Variants in PGM1 observed in about 807,000 individuals in gnomAD.
The protein encoded by PGM1 is phosphoglucomutase 1.
PGM1 carries 52 observed loss-of-function variants against 55.6 expected under a neutral mutation model. The observed-to-expected ratio is 0.94, with a 90% CI of 0.75 to 1.18. PGM1 has a LOEUF of 1.18. PGM1 is among the 50% of genes most tolerant of loss of function. The pLI, the probability that PGM1 is intolerant of heterozygous loss-of-function variation, is 0.00. For synonymous variants in PGM1, 287 were observed against 271.7 expected (o/e 1.06, Z -0.55); for missense variants, 724 against 729.3 (o/e 0.99, Z 0.08).
rs61765314 is a variant in PGM1 at position 63,659,712 on chromosome 1, G to A, written c.*37G>A. 0.031 allele frequency: 45,714 copies of A among 1,456,754 alleles called. 892 individuals carry two copies. The highest frequency in any genetic ancestry group is 0.036 in the Non-Finnish European group (37,101 of 1,036,492). The allele number at this position is 1,456,754 out of a possible 1,614,324, so 90.2% of individuals were successfully genotyped here. ...TGATGTGGTACGTCCCTCCACCCCC[G>A]GACCCATCCAAGTCATCTGATTGAA... On this transcript the variant is annotated 3_prime_UTR_variant, in exon 11 of 11. Coordinates refer to ENST00000371084, the MANE Select transcript of PGM1 (RefSeq NM_002633.3).
chr1:63,638,683 AG>A lies in PGM1; in HGVS notation c.1030del. The A allele has an allele frequency of 6.2e-7, 1 of 1,606,228 alleles. No individual in the cohort carries two copies. Among genetic ancestry groups the A allele is most frequent in the Non-Finnish European group, 8.5e-7 (1 of 1,172,794 alleles). On this transcript the variant is annotated splice_acceptor_variant, in intron 6 of 10. Transcript: ENST00000371084. LOFTEE classifies it high-confidence loss of function. ...TGTAACTTTGATTTCATGCCTTTGA[AG>A]GGTGGCTAGTGCTACAAAGATTGCT...
At chr1:63,648,376 C>T in intron 7 of PGM1, 141 bp from the exon 8 acceptor site, 1 of 865,612 alleles carries the variant, frequency 1.2e-6, no homozygotes, top group South Asian at 1.4e-5. Flanking sequence ...AACTTTGTCC[C>T]CCATGATCCA....
chr1:63,633,902 G>C (rs55887917), intron 4 of PGM1, among the ~76,000 whole-genome samples: 1 of 39,006 alleles, frequency 2.6e-5, no homozygotes, highest in Non-Finnish European at 4.5e-5. Flanking sequence ...GTGTGTGTGT[G>C]TGTGTGTGTG....
intron 1 of PGM1, among the ~76,000 whole-genome samples, chr1:63,597,987 T>G (rs1648130412): frequency 6.6e-6 from 1 of 152,142 alleles, no homozygotes; most frequent in Admixed American, 6.6e-5. Flanking sequence ...TTTAAAAATT[T>G]GAGACATGGT....
At chr1:63,606,401 G>A (rs1473728961) in intron 1 of PGM1, among the ~76,000 whole-genome samples, 2 of 152,310 alleles carry the variant, frequency 1.3e-5, no homozygotes, top group Admixed American at 1.3e-4. Flanking sequence ...GGTGTGGGCA[G>A]TCCAGGGCTG....
chr1:63,635,814 C>T (rs1649346560), intron 5 of PGM1, among the ~76,000 whole-genome samples: 1 of 152,194 alleles, frequency 6.6e-6, no homozygotes, highest in Non-Finnish European at 1.5e-5. Flanking sequence ...CTGTGGTACA[C>T]AGACTGTGGT....
At chr1:63,600,552 G>A (rs992686524) in intron 1 of PGM1, among the ~76,000 whole-genome samples, 4 of 152,140 alleles carry the variant, frequency 2.6e-5, no homozygotes, top group African/African-American at 7.2e-5. Context: ...GATGATAAAC[G>A]TGTCAAATGA....
intron 7 of PGM1, among the ~76,000 whole-genome samples, chr1:63,648,277 A>T (rs1649706391): frequency 6.6e-6 from 1 of 152,158 alleles, no homozygotes; most frequent in South Asian, 2.1e-4. Context: ...TGGCTGCAGG[A>T]GAGAGAGAGT....
chr1:63,604,874 T>A (rs919377848), intron 1 of PGM1, among the ~76,000 whole-genome samples: 11 of 151,496 alleles, frequency 7.3e-5, no homozygotes, highest in African/African-American at 2.7e-4. Flanking sequence ...CCCCACTACA[T>A]AACTATGTAT....
At chr1:63,595,498 A>G (rs1648035759) in intron 1 of PGM1, among the ~76,000 whole-genome samples, 2 of 152,238 alleles carry the variant, frequency 1.3e-5, no homozygotes, top group Non-Finnish European at 2.9e-5. Context: ...ATTTATAAGC[A>G]TCAGTGAGAG....
At chr1:63,629,042 T>TG (rs1649115319) in intron 1 of PGM1, among the ~76,000 whole-genome samples, 1 of 152,240 alleles carries the variant, frequency 6.6e-6, no homozygotes, top group African/African-American at 2.4e-5. Context: ...CGTTGTGGAT[T>TG]GAAAGTATGA....
intron 1 of PGM1, among the ~76,000 whole-genome samples, chr1:63,612,130 G>A (rs1166285580): frequency 2.6e-5 from 4 of 151,842 alleles, no homozygotes; most frequent in South Asian, 4.2e-4. Context: ...GGTGGCGCGT[G>A]CCTGTAATCC....
At chr1:63,646,548 G>A (rs953721388) in intron 7 of PGM1, among the ~76,000 whole-genome samples, 18 of 152,112 alleles carry the variant, frequency 1.2e-4, no homozygotes, top group African/African-American at 4.3e-4. Flanking sequence ...TCTTGGAGTT[G>A]CTGGATCCAT....
At chr1:63,604,747 G>C (rs1648363547) in intron 1 of PGM1, among the ~76,000 whole-genome samples, 1 of 152,204 alleles carries the variant, frequency 6.6e-6, no homozygotes, top group Admixed American at 6.5e-5. Context: ...CTTTCCAGTG[G>C]AGGCACCCCA....
At chr1:63,598,773 C>T (rs889899729) in intron 1 of PGM1, among the ~76,000 whole-genome samples, 1 of 152,308 alleles carries the variant, frequency 6.6e-6, no homozygotes, top group East Asian at 1.9e-4. Flanking sequence ...AAGAACCCCA[C>T]ACTAAACAAT....
chr1:63,652,207 G>C (rs1241754201), intron 9 of PGM1, among the ~76,000 whole-genome samples: 1 of 152,196 alleles, frequency 6.6e-6, no homozygotes, highest in African/African-American at 2.4e-5. Flanking sequence ...TGGGAACTTA[G>C]ATGTCAACTC....
chr1:63,645,895 C>T (rs1393458111), intron 7 of PGM1, among the ~76,000 whole-genome samples: 1 of 152,130 alleles, frequency 6.6e-6, no homozygotes, highest in Non-Finnish European at 1.5e-5. Context: ...GACTTAATTA[C>T]AAGGATAAAT....
intron 7 of PGM1, among the ~76,000 whole-genome samples, chr1:63,642,701 A>G (rs539674803): frequency 6.6e-6 from 1 of 152,216 alleles, no homozygotes; most frequent in Non-Finnish European, 1.5e-5. Flanking sequence ...TGATCTGGTC[A>G]GGTCTAGAGG....
chr1:63,638,718 G>C lies in PGM1; in HGVS notation c.1062G>C (p.Glu354Asp). 1.2e-6 allele frequency: 2 copies of C among 1,613,958 alleles called. No homozygotes were observed. Among genetic ancestry groups the C allele is most frequent in the Non-Finnish European group, 1.7e-6 (2 of 1,179,868 alleles). ...VASATKIALY[E>D]TPTGWKFFGN... ...GTGCTACAAAGATTGCTTTGTATGA[G>C]ACCCCAACTGGCTGGAAGTTTTTTG... The change falls in exon 7 of 11, where the codon GAG (glutamate) becomes GAC (aspartate). Residue 354 changes from glutamate to aspartate, a missense_variant. Physicochemically the swap from Glu to Asp is conservative, Grantham distance 45 (BLOSUM62 2). Coordinates refer to ENST00000371084, the MANE Select transcript of PGM1 (RefSeq NM_002633.3).
Sources: allele counts gnomAD v4.1 joint callset (sites outside exome capture counted in the v4.1 genomes callset), GRCh38; gene constraint gnomAD v4.1.1; transcripts MANE v1.5; gene names NCBI Gene and HGNC (gene_info 2026-07-23, HGNC 2026-07-21).